Variants in FOCAD observed in about 807,000 individuals in gnomAD.
FOCAD encodes focadhesin.
FOCAD carries 198 observed loss-of-function variants against 225.6 expected under a neutral mutation model. That is an observed-to-expected ratio of 0.88 (90% CI 0.78 to 0.99). The LOEUF (loss-of-function observed/expected upper bound fraction) is 0.99. FOCAD is among the 50% of genes least tolerant of loss of function. The pLI is 0.00. For missense variants in FOCAD, 2,713 were observed against 2,123.6 expected (o/e 1.28, Z -5.46); for synonymous variants, 897 against 755.0 (o/e 1.19, Z -3.08).
chr9:20,787,883 C>G lies in FOCAD; in HGVS notation c.1198-1468C>G, dbSNP rs551134875. 2.6e-5 allele frequency among the ~76,000 whole-genome samples: 4 copies of G among 152,122 alleles called. No individual in the cohort carries two copies. In the East Asian group the frequency reaches 5.8e-4, roughly 22 times the overall value. On this transcript the variant is annotated intron_variant, in intron 10 of 43. Transcript: ENST00000338382. Reference sequence around the variant, plus strand: ...ATCTTATATTTTCACTTGGGGGAATCTTTTTATATCAATACAGTGAGAGCT... The same window carrying G: ...ATCTTATATTTTCACTTGGGGGAATGTTTTTATATCAATACAGTGAGAGCT...
chr9:20,740,176 C>A, intron 4 of FOCAD, 60 bp from the exon 5 acceptor site: 2 of 1,063,068 alleles, frequency 1.9e-6, no homozygotes, highest in Non-Finnish European at 1.4e-6. Flanking sequence ...TAGGATTAAG[C>A]ACCTGATTAG....
At chr9:20,908,789 T>A (rs1373522393) in intron 22 of FOCAD, among the ~76,000 whole-genome samples, 2 of 152,120 alleles carry the variant, frequency 1.3e-5, no homozygotes, top group African/African-American at 2.4e-5. Context: ...ATGTACTTTT[T>A]CTCACATTCA....
intron 1 of FOCAD, among the ~76,000 whole-genome samples, chr9:20,697,416 C>T (rs1048599829): frequency 3.3e-5 from 5 of 152,214 alleles, no homozygotes; most frequent in African/African-American, 1.2e-4. Flanking sequence ...CTCCCAGCAC[C>T]CTGTAGAGGC....
intron 18 of FOCAD, among the ~76,000 whole-genome samples, chr9:20,871,696 G>A (rs1174395565): frequency 7.1e-6 from 1 of 140,920 alleles, no homozygotes; most frequent in African/African-American, 2.6e-5. Context: ...CTCATAGGTG[G>A]GAATTGAACA....
At chr9:20,714,674 T>G (rs1441457723) in intron 1 of FOCAD, among the ~76,000 whole-genome samples, 2 of 148,874 alleles carry the variant, frequency 1.3e-5, no homozygotes, top group African/African-American at 2.6e-5. Flanking sequence ...CTTCCTTCCT[T>G]CCTTCCTTCC....
chr9:20,846,195 T>C (rs185423836), intron 15 of FOCAD, among the ~76,000 whole-genome samples: 1 of 152,176 alleles, frequency 6.6e-6, no homozygotes, highest in Admixed American at 6.6e-5. Context: ...TACACTTAGG[T>C]TTCTGAGGGC....
At chr9:20,954,257 A>C (rs540020270) in intron 35 of FOCAD, among the ~76,000 whole-genome samples, 2 of 152,332 alleles carry the variant, frequency 1.3e-5, no homozygotes, top group East Asian at 3.9e-4. Flanking sequence ...AATTAAGTCT[A>C]CTTAAAATAA....
Position 20,995,763 on chromosome 9 carries a change from C to T in FOCAD, c.*134C>T, listed in dbSNP as rs1310449888. The T allele has an allele frequency of 2.9e-6, 2 of 694,090 alleles. No individual in the cohort carries two copies. Among genetic ancestry groups the T allele is most frequent in the East Asian group, 5.8e-5 (2 of 34,452 alleles). The allele number at this position is 694,090 out of a possible 1,614,324, so 43.0% of individuals were successfully genotyped here. ...GTTAAGGGTCATGAAAAGATGGCCA[C>T]ATCACTGACAGCTTGACACATGCCT... On this transcript the variant is annotated 3_prime_UTR_variant, in exon 44 of 44. Coordinates refer to ENST00000338382, the MANE Select transcript of FOCAD (RefSeq NM_001375567.1).
intron 20 of FOCAD, among the ~76,000 whole-genome samples, chr9:20,883,679 A>T (rs191838705): frequency 6.6e-6 from 1 of 152,242 alleles, no homozygotes; most frequent in African/African-American, 2.4e-5. Context: ...TCAAAATGGA[A>T]ATGAGAAGAT....
chr9:20,954,341 T>G (rs1427826993), intron 35 of FOCAD, among the ~76,000 whole-genome samples: 1 of 152,160 alleles, frequency 6.6e-6, no homozygotes, highest in Non-Finnish European at 1.5e-5. Flanking sequence ...ATGGCCAAAC[T>G]AGTGCTAGGA....
intron 10 of FOCAD, among the ~76,000 whole-genome samples, chr9:20,787,710 A>G (rs2131161426): frequency 6.7e-6 from 1 of 150,208 alleles, no homozygotes; most frequent in Admixed American, 6.6e-5. Context: ...CACTCCCCAA[A>G]ACAGAAGATG....
intron 33 of FOCAD, among the ~76,000 whole-genome samples, chr9:20,950,075 T>C (rs1310495129): frequency 2.0e-5 from 3 of 152,130 alleles, no homozygotes; most frequent in Non-Finnish European, 4.4e-5. Flanking sequence ...ATTTTAATTG[T>C]TATCCTTGAC....
At chr9:20,700,928 G>A (rs1823889749) in intron 1 of FOCAD, among the ~76,000 whole-genome samples, 1 of 152,202 alleles carries the variant, frequency 6.6e-6, no homozygotes, top group Non-Finnish European at 1.5e-5. Context: ...AAATCCAAAT[G>A]TCCAGGGTAA....
At chr9:20,667,066 C>G (rs1821920082) in intron 2 of FOCAD, among the ~76,000 whole-genome samples, 1 of 152,208 alleles carries the variant, frequency 6.6e-6, no homozygotes, top group African/African-American at 2.4e-5. Context: ...GCAAATTTCA[C>G]AGTTTCCTCC....
At chr9:20,991,222 C>T (rs1345902212) in intron 42 of FOCAD, among the ~76,000 whole-genome samples, 1 of 152,186 alleles carries the variant, frequency 6.6e-6, no homozygotes, top group Non-Finnish European at 1.5e-5. Flanking sequence ...ACTGTGCTTA[C>T]TGTACTTCTC....
chr9:20,715,659 G>A (rs1390235812), intron 2 of FOCAD, among the ~76,000 whole-genome samples: 1 of 151,830 alleles, frequency 6.6e-6, no homozygotes, highest in African/African-American at 2.4e-5. Context: ...ATAAAACCTT[G>A]ATTAACTAGT....
At chr9:20,942,372 C>T (rs1836754101) in intron 28 of FOCAD, among the ~76,000 whole-genome samples, 1 of 152,168 alleles carries the variant, frequency 6.6e-6, no homozygotes, top group Non-Finnish European at 1.5e-5. Context: ...AAAAGCAAGA[C>T]TTACATACTT....
chr9:20,778,114 G>A (rs1286041420), intron 8 of FOCAD, among the ~76,000 whole-genome samples: 189 of 99,972 alleles, frequency 1.9e-3, no homozygotes, highest in Non-Finnish European at 2.4e-3. Context: ...AAAAAAAAAA[G>A]ATTGACTGTT....
intron 35 of FOCAD, among the ~76,000 whole-genome samples, chr9:20,959,188 C>T (rs1007076898): frequency 2.0e-4 from 31 of 152,294 alleles, no homozygotes; most frequent in African/African-American, 7.0e-4. Flanking sequence ...ACATCCTCAA[C>T]AGCATTTGCT....
Sources: allele counts gnomAD v4.1 joint callset (sites outside exome capture counted in the v4.1 genomes callset), GRCh38; gene constraint gnomAD v4.1.1; transcripts MANE v1.5; gene names NCBI Gene and HGNC (gene_info 2026-07-23, HGNC 2026-07-21).